EFCAB11: variants seen among roughly 807,000 people sequenced by gnomAD.
EFCAB11 encodes EF-hand calcium-binding domain-containing protein 11.
In EFCAB11, 14 loss-of-function variants were observed where a neutral mutation model predicts 23.0. That is an observed-to-expected ratio of 0.61 (90% CI 0.40 to 0.95). The LOEUF (loss-of-function observed/expected upper bound fraction) is 0.95. Among genes scored for constraint, EFCAB11 ranks in the 40% least tolerant of loss-of-function variants. The pLI is 0.00. For missense variants in EFCAB11, 198 were observed against 195.8 expected (o/e 1.01, Z -0.07); for synonymous variants, 65 against 66.6 (o/e 0.98, Z 0.11).
intron 5 of EFCAB11, among the ~76,000 whole-genome samples, chr14:89,886,723 T>C (rs1272421640): frequency 6.6e-6 from 1 of 152,130 alleles, no homozygotes; most frequent in African/African-American, 2.4e-5. Context: ...GTTTAAAATA[T>C]TTCTAATGGA....
intron 5 of EFCAB11, among the ~76,000 whole-genome samples, chr14:89,803,434 A>T (rs533868417): frequency 2.0e-5 from 3 of 152,322 alleles, no homozygotes; most frequent in Middle Eastern, 3.4e-3. Flanking sequence ...GCACTGACAG[A>T]TAGTAATTAT....
At chr14:89,885,460 C>T (rs901502272) in intron 5 of EFCAB11, among the ~76,000 whole-genome samples, 3 of 152,018 alleles carry the variant, frequency 2.0e-5, no homozygotes, top group African/African-American at 4.8e-5. Flanking sequence ...AGGTGGATTA[C>T]GAGATCAGGA....
intron 2 of EFCAB11, among the ~76,000 whole-genome samples, chr14:89,951,500 T>C (rs1380478386): frequency 6.6e-6 from 1 of 152,220 alleles, no homozygotes; most frequent in African/African-American, 2.4e-5. Context: ...TATCACAGTT[T>C]TATGTCTTTC....
chr14:89,802,441 G>A (rs1226839897), intron 5 of EFCAB11, among the ~76,000 whole-genome samples: 3 of 151,978 alleles, frequency 2.0e-5, no homozygotes, highest in Non-Finnish European at 2.9e-5. Context: ...ACTCAGGCTG[G>A]AGTGCAATGG....
chr14:89,854,852 C>T (rs751791956), intron 5 of EFCAB11, among the ~76,000 whole-genome samples: 2 of 152,118 alleles, frequency 1.3e-5, no homozygotes, highest in Non-Finnish European at 2.9e-5. Flanking sequence ...TTTGAATGCA[C>T]CTGCTCTTCC....
chr14:89,882,613 A>G (rs562528282), intron 5 of EFCAB11, among the ~76,000 whole-genome samples: 2 of 152,316 alleles, frequency 1.3e-5, no homozygotes, highest in South Asian at 4.1e-4. Flanking sequence ...TATATAAGCA[A>G]TGATGGGAAA....
intron 5 of EFCAB11, chr14:89,836,651 T>C: frequency 2.2e-6 from 1 of 456,774 alleles, no homozygotes; most frequent in South Asian, 1.5e-5. Flanking sequence ...TAGCTCATTA[T>C]TAATGTACAT....
In EFCAB11 at chr14:89,881,567, C is replaced by A. The variant is rs867119486; in HGVS notation, c.410+49974G>T. On this transcript the variant is annotated intron_variant, in intron 5 of 5. Coordinates refer to ENST00000316738, the MANE Select transcript of EFCAB11 (RefSeq NM_145231.4). Reference sequence around the variant, plus strand: ...GGTTCAAGTGATTCTCCTGCCTCAGCCTCCTGAGTGGCTGGGATTACAGAC... The same window carrying A: ...GGTTCAAGTGATTCTCCTGCCTCAGACTCCTGAGTGGCTGGGATTACAGAC... Among the ~76,000 whole-genome samples, 7 of 149,114 alleles carry A rather than the reference C, an allele frequency of 4.7e-5. No individual in the cohort carries two copies. The South Asian group carries it at 6.4e-4, about 14-fold the overall frequency.
chr14:89,894,971 T>C (rs931565471), intron 5 of EFCAB11, among the ~76,000 whole-genome samples: 1 of 152,246 alleles, frequency 6.6e-6, no homozygotes, highest in African/African-American at 2.4e-5. Flanking sequence ...ATGAACTTTA[T>C]ATCCAAGCAC....
intron 5 of EFCAB11, chr14:89,799,445 T>C (rs1171831534): frequency 6.6e-6 from 1 of 152,180 alleles, no homozygotes; most frequent in Admixed American, 6.5e-5. Flanking sequence ...GAAGGTCTCA[T>C]AGCACCCACA....
At chr14:89,944,030 A>C (rs1596469583) in intron 3 of EFCAB11, among the ~76,000 whole-genome samples, 1 of 152,370 alleles carries the variant, frequency 6.6e-6, no homozygotes, top group East Asian at 1.9e-4. Context: ...CTATGAGAAT[A>C]ATGAATGTTA....
chr14:89,950,187 T>C, intron 2 of EFCAB11, 45 bp from the exon 3 acceptor site: 1 of 1,516,854 alleles, frequency 6.6e-7, no homozygotes, highest in Non-Finnish European at 8.9e-7. Flanking sequence ...TTTATCACGT[T>C]TTCACAGTGC....
intron 5 of EFCAB11, among the ~76,000 whole-genome samples, chr14:89,925,169 A>T (rs1890150036): frequency 6.6e-6 from 1 of 152,224 alleles, no homozygotes; most frequent in Non-Finnish European, 1.5e-5. Context: ...GGCACTGCAA[A>T]CAGAATGAAG....
intron 5 of EFCAB11, among the ~76,000 whole-genome samples, chr14:89,897,119 C>T (rs553800521): frequency 1.3e-5 from 2 of 151,174 alleles, no homozygotes; most frequent in South Asian, 4.2e-4. Context: ...ACAAAGACTA[C>T]ATACATTTGA....
At chr14:89,805,736 C>T (rs924921797) in intron 5 of EFCAB11, among the ~76,000 whole-genome samples, 6 of 152,090 alleles carry the variant, frequency 3.9e-5, no homozygotes, top group Non-Finnish European at 5.9e-5. Context: ...CCAATAAATT[C>T]CCTGTGTTGT....
At chr14:89,806,891 ACTC>A (rs1566765534) in intron 5 of EFCAB11, among the ~76,000 whole-genome samples, 1 of 151,774 alleles carries the variant, frequency 6.6e-6, no homozygotes, top group South Asian at 2.1e-4. Context: ...ATGTAACCCA[ACTC>A]CTGTTAGCCA....
chr14:89,905,162 T>C (rs117970341), intron 5 of EFCAB11, among the ~76,000 whole-genome samples: 3 of 152,284 alleles, frequency 2.0e-5, no homozygotes, highest in Non-Finnish European at 4.4e-5. Context: ...ATGTGGTCCC[T>C]TTCTAGTGAA....
intron 5 of EFCAB11, among the ~76,000 whole-genome samples, chr14:89,876,827 T>C (rs1438938592): frequency 6.6e-6 from 1 of 152,176 alleles, no homozygotes; most frequent in Non-Finnish European, 1.5e-5. Flanking sequence ...AGGCTCCTGG[T>C]AGAAGCCCAA....
At chr14:89,947,690 G>A (rs1891029376) in intron 3 of EFCAB11, among the ~76,000 whole-genome samples, 1 of 152,018 alleles carries the variant, frequency 6.6e-6, no homozygotes, top group Admixed American at 6.6e-5. Flanking sequence ...AAACACTCTT[G>A]ATTTTCCTCT....
Sources: allele counts gnomAD v4.1 joint callset (sites outside exome capture counted in the v4.1 genomes callset), GRCh38; gene constraint gnomAD v4.1.1; transcripts MANE v1.5; gene names NCBI Gene and HGNC (gene_info 2026-07-23, HGNC 2026-07-21).